Variants in ESR1 observed in about 807,000 individuals in gnomAD.
ESR1 encodes the protein estrogen receptor.
Under a neutral mutation model 52.7 loss-of-function variants are expected in ESR1, and 12 were observed. The observed-to-expected ratio is 0.23, with a 90% CI of 0.15 to 0.37. The LOEUF (loss-of-function observed/expected upper bound fraction) is 0.37, where lower values mean the gene tolerates loss of function less well. Ranked by LOEUF, ESR1 falls within the 10% of genes least tolerant of loss-of-function variation. ESR1 has a pLI of 1.00. For synonymous variants in ESR1, 305 were observed against 316.8 expected (o/e 0.96, Z 0.39); for missense variants, 584 against 779.7 (o/e 0.75, Z 2.99).
rs566902583 is a variant in ESR1 at position 152,115,276 on chromosome 6, C to A, written c.851-9990C>A. 6.6e-5 allele frequency among the ~76,000 whole-genome samples: 10 copies of A among 152,216 alleles called. No individual in the cohort carries two copies. The East Asian group carries it at 1.9e-3, about 29-fold the overall frequency. ...ATTTCATTTTATAAAAATAGTTACGCCATACTGAATACTAGGTATGCACTA... is the reference window on the plus strand; with the variant it reads ...ATTTCATTTTATAAAAATAGTTACGACATACTGAATACTAGGTATGCACTA... On this transcript the variant is annotated intron_variant, in intron 6 of 6. Coordinates refer to the ESR1 transcript ENST00000427531.
At chr6:152,122,101 AC>A in intron 6 of ESR1, 3 of 380,050 alleles carry the variant, frequency 7.9e-6, no homozygotes, top group Admixed American at 3.8e-5. Context: ...CAGATGGTCT[AC>A]TGAAGTCCTT....
At chr6:151,733,324 A>G (rs1356651149) in intron 2 of ESR1, among the ~76,000 whole-genome samples, 1 of 152,208 alleles carries the variant, frequency 6.6e-6, no homozygotes, top group Non-Finnish European at 1.5e-5. Context: ...ACCCAGATCA[A>G]ATATACACAG....
chr6:151,964,349 T>C (rs542886696), intron 4 of ESR1, among the ~76,000 whole-genome samples: 1 of 152,284 alleles, frequency 6.6e-6, no homozygotes, highest in Non-Finnish European at 1.5e-5. Flanking sequence ...CTATTTCTTT[T>C]ATCTGTGTTC....
intron 2 of ESR1, 30 bp from the exon 3 acceptor site, chr6:151,880,625 A>C: frequency 7.7e-7 from 1 of 1,304,060 alleles, no homozygotes; most frequent in South Asian, 1.2e-5. Flanking sequence ...TCCTGAAATA[A>C]TATTAATTCT....
chr6:151,883,001 C>T (rs1366596181), intron 3 of ESR1, among the ~76,000 whole-genome samples: 1 of 152,142 alleles, frequency 6.6e-6, no homozygotes, highest in Admixed American at 6.5e-5. Context: ...TTTTCTAGGG[C>T]TGCCATAATG....
upstream of ESR1, among the ~76,000 whole-genome samples, chr6:151,686,641 T>C (rs534857156): frequency 2.2e-3 from 331 of 152,188 alleles, 1 homozygote; most frequent in Non-Finnish European, 3.5e-3. Context: ...TGAGCCGAGA[T>C]GGCGCCACTG....
intron 6 of ESR1, among the ~76,000 whole-genome samples, chr6:152,114,275 C>A (rs2051181342): frequency 6.6e-6 from 1 of 152,178 alleles, no homozygotes; most frequent in Non-Finnish European, 1.5e-5. Flanking sequence ...TTCTGGGGAC[C>A]AGTCTGCGAC....
intron 3 of ESR1, among the ~76,000 whole-genome samples, chr6:151,894,688 G>C (rs986524826): frequency 6.6e-6 from 1 of 152,094 alleles, no homozygotes; most frequent in Non-Finnish European, 1.5e-5. Context: ...GCAAAGAGCA[G>C]TTGGCTGTAA....
At chr6:152,117,064 T>G (rs751924696) in intron 6 of ESR1, among the ~76,000 whole-genome samples, 1 of 152,192 alleles carries the variant, frequency 6.6e-6, no homozygotes, top group Non-Finnish European at 1.5e-5. Context: ...TGGTGCATTC[T>G]TAACAGGTTT....
At chr6:151,841,807 G>A (rs557703238) in intron 1 of ESR1, among the ~76,000 whole-genome samples, 77 of 152,008 alleles carry the variant, frequency 5.1e-4, no homozygotes, top group African/African-American at 1.8e-3. Flanking sequence ...CGACATCCTA[G>A]GCTCAAGTGA....
chr6:151,986,224 A>T (rs1232263722), intron 4 of ESR1, among the ~76,000 whole-genome samples: 4 of 152,256 alleles, frequency 2.6e-5, no homozygotes, highest in African/African-American at 9.6e-5. Context: ...TTTTGATACA[A>T]AATTTAAGAA....
In ESR1 at chr6:152,043,502, G is replaced by C. The variant is rs116853957; in HGVS notation, c.1236-17489G>C. Among the ~76,000 whole-genome samples the C allele has an allele frequency of 2.7e-4, 41 of 152,252 alleles. No homozygotes were observed. In the East Asian group the frequency reaches 5.4e-3, roughly 20 times the overall value. ...ACATTCTGAACCTCATCTCTAAGGG[G>C]CCTGCCGGGACTTTAGTCTAGTTCT... On this transcript the variant is annotated intron_variant, in intron 5 of 7. Transcript: ENST00000206249.
intron 5 of ESR1, among the ~76,000 whole-genome samples, chr6:152,039,047 G>A (rs1174692030): frequency 6.6e-6 from 1 of 152,192 alleles, no homozygotes; most frequent in African/African-American, 2.4e-5. Flanking sequence ...AACAAAATAA[G>A]GAGGAAATAC....
At chr6:152,095,865 C>T (rs2050569758) in intron 7 of ESR1, among the ~76,000 whole-genome samples, 2 of 152,214 alleles carry the variant, frequency 1.3e-5, no homozygotes, top group Admixed American at 6.5e-5. Context: ...CCAATATCAC[C>T]TAGCATGATG....
intron 2 of ESR1, among the ~76,000 whole-genome samples, chr6:151,755,331 T>G (rs1302726725): frequency 2.0e-5 from 3 of 151,966 alleles, no homozygotes; most frequent in Non-Finnish European, 4.4e-5. Flanking sequence ...CTATCTTGAT[T>G]TATGGCAGAT....
chr6:151,979,263 C>G (rs1467000513), intron 4 of ESR1, among the ~76,000 whole-genome samples: 1 of 152,134 alleles, frequency 6.6e-6, no homozygotes, highest in African/African-American at 2.4e-5. Context: ...GGGACACATT[C>G]CAGCCGATAG....
chr6:151,950,261 T>A lies in ESR1; in HGVS notation c.1096+5753T>A, dbSNP rs79210204. Among the ~76,000 whole-genome samples the A allele has an allele frequency of 2.1e-3, 318 of 152,242 alleles. 1 individual carries two copies. The highest frequency in any genetic ancestry group is 0.011 in the East Asian group (56 of 5,182). ...TGTGAAAACAGACTAATACAGTGAG[T>A]CTGGGTCAGTGTGTGTTTATGTTGA... On this transcript the variant is annotated intron_variant, in intron 4 of 7. Coordinates refer to ENST00000206249, the MANE Select transcript of ESR1 (RefSeq NM_000125.4).
chr6:152,033,059 A>T (rs2044881632), intron 5 of ESR1, among the ~76,000 whole-genome samples: 2 of 152,244 alleles, frequency 1.3e-5, no homozygotes, highest in African/African-American at 2.4e-5. Flanking sequence ...CCTATTTAAT[A>T]AATGGTGCTG....
chr6:151,805,202 C>T (rs1404916914), upstream of ESR1: 1 of 152,134 alleles, frequency 6.6e-6, no homozygotes, highest in African/African-American at 2.4e-5. Context: ...CTGGTGCAAT[C>T]GGAGGCATGG....
Sources: gnomAD v4.1 joint callset for allele counts (sites outside exome capture counted in the v4.1 genomes callset) on GRCh38, gnomAD v4.1.1 for gene constraint, MANE v1.5 for transcripts, NCBI Gene and HGNC (gene_info 2026-07-23, HGNC 2026-07-21) for gene names.